STXBP4: variants seen among roughly 807,000 people sequenced by gnomAD.
The protein encoded by STXBP4 is syntaxin binding protein 4.
STXBP4 carries 55 observed loss-of-function variants against 76.1 expected under a neutral mutation model. The observed-to-expected ratio is 0.72, with a 90% CI of 0.58 to 0.91. The LOEUF (loss-of-function observed/expected upper bound fraction) is 0.91, where lower values mean the gene tolerates loss of function less well. STXBP4 is among the 40% of genes least tolerant of loss of function. The pLI, the probability that STXBP4 is intolerant of heterozygous loss-of-function variation, is 0.00. For synonymous variants in STXBP4, 201 were observed against 220.2 expected (o/e 0.91, Z 0.77); for missense variants, 618 against 636.9 (o/e 0.97, Z 0.32).
chr17:55,096,078 C>T (rs1188563268), intron 16 of STXBP4, among the ~76,000 whole-genome samples: 1 of 152,166 alleles, frequency 6.6e-6, no homozygotes, highest in African/African-American at 2.4e-5. Flanking sequence ...ATATGATTTT[C>T]TCAAGGATTA....
chr17:55,168,084 TAAG>T lies in STXBP4; in HGVS notation c.*8177_*8179del, dbSNP rs1458091097. 6.7e-6 allele frequency: 1 copy of T among 149,010 alleles called. No homozygotes were observed. The highest frequency in any genetic ancestry group is 2.5e-5 in the African/African-American group (1 of 40,230). 9.2% of individuals were successfully genotyped at this position (149,010 alleles called of 1,614,324 possible). ...TTCTTTGGTGATTACCACACAAAAA[TAAG>T]AAGTTGGCACCAAATTAAATGCATG... On this transcript the variant is annotated 3_prime_UTR_variant, in exon 18 of 18. Transcript: ENST00000376352.
rs1642161531 is a variant in STXBP4, at chr17:55,164,501, A to T, written c.*4590A>T. ...CTCTGTCGCCCAGGCGGGACTGCGG[A>T]CTGCAGCGGCGCAATCTCGGCTCAC... On this transcript the variant is annotated 3_prime_UTR_variant, in exon 18 of 18. Transcript: ENST00000376352. 1 of 125,652 alleles carries T rather than the reference A, an allele frequency of 8.0e-6. No homozygotes were observed. Among genetic ancestry groups the T allele is most frequent in the African/African-American group, 3.1e-5 (1 of 32,114 alleles). The allele number at this position is 125,652 out of a possible 1,614,324, so 7.8% of individuals were successfully genotyped here. A position where few individuals can be genotyped will look rare whatever the true frequency, so the allele number is the denominator to read the frequency against.
chr17:54,991,072 A>G, intron 4 of STXBP4, 115 bp downstream of exon 4: 1 of 1,158,898 alleles, frequency 8.6e-7, no homozygotes, highest in Non-Finnish European at 1.1e-6. Context: ...TACCTCAGTG[A>G]AAAATACAAA....
chr17:55,054,489 AAC>A (rs996680161), intron 12 of STXBP4, among the ~76,000 whole-genome samples: 8 of 152,154 alleles, frequency 5.3e-5, no homozygotes, highest in African/African-American at 1.9e-4. Context: ...TCATCTCAAA[AAC>A]AAAACAAAAA....
chr17:55,074,745 G>C (rs931591263), intron 13 of STXBP4, among the ~76,000 whole-genome samples: 35 of 151,688 alleles, frequency 2.3e-4, no homozygotes, highest in African/African-American at 8.2e-4. Context: ...TCATAATCGG[G>C]TTCTCATGCC....
chr17:54,998,064 A>G, intron 4 of STXBP4, among the ~76,000 whole-genome samples: 1 of 151,986 alleles, frequency 6.6e-6, no homozygotes, highest in East Asian at 1.9e-4. Context: ...TTGTTTTCCT[A>G]TATATTCTTT....
At chr17:55,028,698 G>C (rs1210122458) in intron 8 of STXBP4, among the ~76,000 whole-genome samples, 1 of 152,130 alleles carries the variant, frequency 6.6e-6, no homozygotes, top group Non-Finnish European at 1.5e-5. Context: ...AATAATTTGT[G>C]AGTCAAAAAC....
chr17:55,033,965 A>G (rs1188094845), intron 9 of STXBP4, among the ~76,000 whole-genome samples: 3 of 152,226 alleles, frequency 2.0e-5, no homozygotes, highest in Admixed American at 6.5e-5. Context: ...CTGAATTATT[A>G]ATTTTAGCAA....
rs926002005 is a variant in STXBP4 at position 55,166,803 on chromosome 17, T to C, written c.*6892T>C. On this transcript the variant is annotated 3_prime_UTR_variant, in exon 18 of 18. Transcript: ENST00000376352. ...ACACTCATTTGGTTACTATATTTAC[T>C]AATTTACTTTTATCTACTGAGCTGG... is the stretch of plus-strand genomic sequence containing the variant. The C allele has an allele frequency of 1.3e-5, 2 of 152,242 alleles. No homozygotes were observed. The highest frequency in any genetic ancestry group is 4.8e-5 in the African/African-American group (2 of 41,460). 9.4% of individuals were successfully genotyped at this position (152,242 alleles called of 1,614,324 possible).
At chr17:55,140,655 G>C (rs1454191025) in intron 16 of STXBP4, among the ~76,000 whole-genome samples, 6 of 152,106 alleles carry the variant, frequency 3.9e-5, no homozygotes, top group African/African-American at 1.2e-4. Context: ...AATATTGCTT[G>C]CTTACGTCAA....
chr17:55,104,300 A>G (rs766713296), intron 16 of STXBP4, among the ~76,000 whole-genome samples: 1 of 152,168 alleles, frequency 6.6e-6, no homozygotes, highest in Admixed American at 6.5e-5. Flanking sequence ...GATATGATCC[A>G]TCAATACCTA....
At chr17:55,045,623 G>A (rs1220686143) in intron 11 of STXBP4, among the ~76,000 whole-genome samples, 2 of 151,912 alleles carry the variant, frequency 1.3e-5, no homozygotes, top group African/African-American at 2.4e-5. Context: ...AATAAATCAG[G>A]ATTTACCTTT....
In STXBP4 at chr17:55,058,288, G is replaced by A. The variant is rs575951371; in HGVS notation, c.1011+11134G>A. ...GTATCTCATTGTGGTTTTGATTTGC[G>A]TTTCTCTGATGACCAGTGATGATGA... On this transcript the variant is annotated intron_variant, in intron 12 of 17. Transcript: ENST00000376352. Among the ~76,000 whole-genome samples the A allele has an allele frequency of 4.3e-4, 65 of 152,112 alleles. 1 individual carries two copies. The highest frequency in any genetic ancestry group is 6.8e-3 in the Middle Eastern group (2 of 294).
chr17:55,007,463 T>A, intron 7 of STXBP4, 43 bp from the exon 8 acceptor site: 2 of 1,438,004 alleles, frequency 1.4e-6, no homozygotes, highest in Non-Finnish European at 2.0e-6. Flanking sequence ...AAATTTCGAT[T>A]CCAATTAAGT....
In STXBP4 at chr17:55,160,822, A is replaced by T. The variant is rs1482409085; in HGVS notation, c.*911A>T. On this transcript the variant is annotated 3_prime_UTR_variant, in exon 18 of 18. Transcript: ENST00000376352. ...CCTTCTCTGCACCCAAGCCTTCGCC[A>T]AGTAGGCGCACTCTTTGTGATATTG... 6.6e-6 allele frequency: 1 copy of T among 152,300 alleles called. No individual in the cohort carries two copies. Among genetic ancestry groups the T allele is most frequent in the Non-Finnish European group, 1.5e-5 (1 of 68,118 alleles). 9.4% of individuals were successfully genotyped at this position (152,300 alleles called of 1,614,324 possible).
Position 55,043,303 on chromosome 17 carries a change from T to C in STXBP4, c.923T>C (p.Leu308Ser). Residue 308 changes from leucine to serine, a missense_variant, in exon 11 of 18, where the codon TTG (leucine) becomes TCG (serine). Physicochemically the swap from Leu to Ser is moderately radical, Grantham distance 145 (BLOSUM62 -2). Transcript: ENST00000376352. ...ERLKCERDDA[L>S]KEVNTLKEKL... is the part of the protein sequence containing the mutation. ...CTCAAGTGTGAAAGAGATGATGCCT[T>C]GAAAGAAGTAAATACACTTAAGGTA... is the stretch of plus-strand genomic sequence containing the variant. 1 of 1,528,298 alleles carries C rather than the reference T, an allele frequency of 6.5e-7. No homozygotes were observed. The highest frequency in any genetic ancestry group is 8.8e-7 in the Non-Finnish European group (1 of 1,138,644). 94.7% of individuals were successfully genotyped at this position (1,528,298 alleles called of 1,614,324 possible).
intron 8 of STXBP4, among the ~76,000 whole-genome samples, chr17:55,023,741 A>AGAAGTGT (rs756788700): frequency 1.8e-4 from 28 of 152,146 alleles, no homozygotes; most frequent in Non-Finnish European, 3.8e-4. Flanking sequence ...ATCTCACAAC[A>AGAAGTGT]GAAGTGTGTG....
chr17:55,034,500 A>G (rs979264088), intron 10 of STXBP4, among the ~76,000 whole-genome samples: 1 of 152,106 alleles, frequency 6.6e-6, no homozygotes, highest in African/African-American at 2.4e-5. Context: ...ACAATTTGAT[A>G]TGTGGAGGAT....
chr17:55,012,058 T>C (rs1184831151), intron 8 of STXBP4, among the ~76,000 whole-genome samples: 1 of 152,148 alleles, frequency 6.6e-6, no homozygotes, highest in Non-Finnish European at 1.5e-5. Context: ...GGTGCTCCAT[T>C]TGAAGAACTA....
Sources: gnomAD v4.1 joint callset for allele counts (sites outside exome capture counted in the v4.1 genomes callset) on GRCh38, gnomAD v4.1.1 for gene constraint, MANE v1.5 for transcripts, NCBI Gene and HGNC (gene_info 2026-07-23, HGNC 2026-07-21) for gene names.